CFAP52: variants seen among roughly 807,000 people sequenced by gnomAD.
The protein encoded by CFAP52 is cilia and flagella associated protein 52.
In CFAP52, 57 loss-of-function variants were observed where a neutral mutation model predicts 70.5. That is an observed-to-expected ratio of 0.81 (90% CI 0.65 to 1.01). The LOEUF (loss-of-function observed/expected upper bound fraction) is 1.01. Ranked by LOEUF, CFAP52 falls within the 50% of genes least tolerant of loss-of-function variation. CFAP52 has a pLI of 0.00. For synonymous variants in CFAP52, 267 were observed against 292.5 expected (o/e 0.91, Z 0.89); for missense variants, 785 against 788.5 (o/e 1.00, Z 0.05).
In CFAP52 at chr17:9,612,539, T is replaced by C. The variant is rs73975746; in HGVS notation, c.1025+60T>C. On this transcript the variant is annotated intron_variant, in intron 8 of 13. Transcript: ENST00000352665. Reference sequence around the variant, plus strand: ...TGATGCAGTGTGCCAGGGCATTTAATTTTATGAATGCATTTTCAATATTAA... The same window carrying C: ...TGATGCAGTGTGCCAGGGCATTTAACTTTATGAATGCATTTTCAATATTAA... 1,240 of 1,518,146 alleles carry C rather than the reference T, an allele frequency of 8.2e-4. 11 individuals carry two copies. The African/African-American group carries it at 0.014, about 17-fold the overall frequency. The allele number at this position is 1,518,146 out of a possible 1,614,324, so 94.0% of individuals were successfully genotyped here.
At chr17:9,633,112 A>T in intron 10 of CFAP52, 79 bp downstream of exon 10, 1 of 1,498,222 alleles carries the variant, frequency 6.7e-7, no homozygotes, top group Non-Finnish European at 8.9e-7. Context: ...TTTGCTTTTA[A>T]AAATACACAC....
chr17:9,632,738 C>A, intron 9 of CFAP52, 150 bp from the exon 10 acceptor site: 1 of 1,152,136 alleles, frequency 8.7e-7, no homozygotes, highest in East Asian at 2.7e-5. Context: ...GGGAAAGGGG[C>A]CTATGGTGAC....
At chr17:9,584,419 G>C (rs1369134507) in intron 1 of CFAP52, 1 of 1,243,238 alleles carries the variant, frequency 8.0e-7, no homozygotes, top group African/African-American at 1.6e-5. Context: ...TATTTTCCTG[G>C]TTATATTGAG....
chr17:9,636,185 A>G (rs568042873), intron 11 of CFAP52, among the ~76,000 whole-genome samples: 2 of 79,200 alleles, frequency 2.5e-5, no homozygotes, highest in African/African-American at 1.5e-4. Flanking sequence ...AAAAAAAAGA[A>G]AGAAAGAAAG....
Position 9,585,225 on chromosome 17 carries a change from A to C in CFAP52, c.71-548A>C, listed in dbSNP as rs574831256. Among the ~76,000 whole-genome samples, 9 of 152,304 alleles carry C rather than the reference A, an allele frequency of 5.9e-5. No individual in the cohort carries two copies. The East Asian group carries it at 1.5e-3, about 26-fold the overall frequency. On this transcript the variant is annotated intron_variant, in intron 1 of 13. Coordinates refer to ENST00000352665, the MANE Select transcript of CFAP52 (RefSeq NM_145054.5). ...AAATACAGAATCTCAACCCCTTCTC[A>C]GACCTGAAATCAGAATCTGCATTTT...
chr17:9,640,614 A>G (rs2151954319), intron 12 of CFAP52, among the ~76,000 whole-genome samples: 1 of 152,098 alleles, frequency 6.6e-6, no homozygotes. Context: ...CGTGGTATAT[A>G]TCTGCCACAT....
intron 3 of CFAP52, among the ~76,000 whole-genome samples, chr17:9,591,648 C>A (rs1483666887): frequency 1.3e-5 from 2 of 152,194 alleles, no homozygotes; most frequent in South Asian, 2.1e-4. Flanking sequence ...GAGGCCAAGG[C>A]GGAAAGGATC....
chr17:9,599,866 C>T (rs1386156018), intron 5 of CFAP52, among the ~76,000 whole-genome samples: 2 of 151,950 alleles, frequency 1.3e-5, no homozygotes, highest in Non-Finnish European at 2.9e-5. Flanking sequence ...CTCAGCCTCC[C>T]GAGTAGCTGG....
intron 4 of CFAP52, among the ~76,000 whole-genome samples, chr17:9,594,898 T>TTG (rs1454794807): frequency 3.4e-4 from 51 of 150,312 alleles, no homozygotes; most frequent in African/African-American, 1.2e-3. Context: ...GGAGGGTTTT[T>TTG]TTTTTTTTTT....
chr17:9,636,202 A>AGAAG, intron 11 of CFAP52, among the ~76,000 whole-genome samples: 1 of 126,998 alleles, frequency 7.9e-6, no homozygotes, highest in Non-Finnish European at 1.7e-5. Context: ...AAAGAAAGAA[A>AGAAG]GAAAGAAAGA....
chr17:9,613,639 T>G (rs1681304220), intron 8 of CFAP52, among the ~76,000 whole-genome samples: 1 of 152,112 alleles, frequency 6.6e-6, no homozygotes. Flanking sequence ...TGCCTCAGCC[T>G]CCTGAGTAGC....
At chr17:9,579,031 T>G (rs945020161) in intron 1 of CFAP52, among the ~76,000 whole-genome samples, 2 of 152,184 alleles carry the variant, frequency 1.3e-5, no homozygotes, top group Non-Finnish European at 2.9e-5. Flanking sequence ...GGAACTCTGC[T>G]TTAAGGTGTT....
chr17:9,581,858 A>T (rs1016150139), intron 1 of CFAP52, among the ~76,000 whole-genome samples: 1 of 152,088 alleles, frequency 6.6e-6, no homozygotes, highest in Non-Finnish European at 1.5e-5. Flanking sequence ...CCGCAGTTCC[A>T]CTCTTATAGG....
intron 3 of CFAP52, among the ~76,000 whole-genome samples, chr17:9,589,590 G>A (rs373719149): frequency 6.6e-6 from 1 of 151,864 alleles, no homozygotes; most frequent in Non-Finnish European, 1.5e-5. Context: ...AAAATTAGCC[G>A]GGCATGGTGG....
intron 1 of CFAP52, among the ~76,000 whole-genome samples, chr17:9,582,882 C>G (rs749647842): frequency 3.9e-5 from 6 of 152,252 alleles, no homozygotes; most frequent in Non-Finnish European, 7.3e-5. Context: ...AGTGATCTGC[C>G]TGCCTCGGCC....
intron 4 of CFAP52, chr17:9,597,505 C>G (rs1366547833): frequency 2.6e-5 from 4 of 151,892 alleles, no homozygotes; most frequent in Admixed American, 2.6e-4. Context: ...TTTTACTTGT[C>G]AATTAGAAAG....
At chr17:9,624,096 A>G (rs1910148713) in intron 8 of CFAP52, among the ~76,000 whole-genome samples, 1 of 152,036 alleles carries the variant, frequency 6.6e-6, no homozygotes, top group African/African-American at 2.4e-5. Flanking sequence ...TTTTCTGTTT[A>G]TATTTCAATA....
intron 11 of CFAP52, among the ~76,000 whole-genome samples, chr17:9,637,308 T>C (rs1229235268): frequency 6.6e-6 from 1 of 152,196 alleles, no homozygotes; most frequent in Non-Finnish European, 1.5e-5. Context: ...TCTGAACTTA[T>C]TTCTATGGAT....
chr17:9,642,973 TTCTC>T (rs1299823863), intron 13 of CFAP52, 46 bp from the exon 14 acceptor site: 3 of 1,442,960 alleles, frequency 2.1e-6, no homozygotes, highest in Admixed American at 2.3e-5. Context: ...TCAGGGCTGT[TTCTC>T]TCTCTCCTAT....
Sources: gnomAD v4.1 joint callset for allele counts (sites outside exome capture counted in the v4.1 genomes callset) on GRCh38, gnomAD v4.1.1 for gene constraint, MANE v1.5 for transcripts, NCBI Gene and HGNC (gene_info 2026-07-23, HGNC 2026-07-21) for gene names.